Variants in LRRC8B observed in about 807,000 individuals in gnomAD.
LRRC8B encodes leucine rich repeat containing 8 VRAC subunit B.
A neutral mutation model predicts 58.8 loss-of-function variants in LRRC8B; 23 were observed. The ratio of observed to expected loss-of-function variants is 0.39; its 90% confidence interval spans 0.28 to 0.55. The LOEUF (loss-of-function observed/expected upper bound fraction) is 0.55, where lower values mean the gene tolerates loss of function less well. LRRC8B is among the 20% of genes least tolerant of loss of function. The pLI is 0.62. For missense variants in LRRC8B, 694 were observed against 936.0 expected (o/e 0.74, Z 3.37); for synonymous variants, 359 against 374.1 (o/e 0.96, Z 0.47).
intron 3 of LRRC8B, among the ~76,000 whole-genome samples, chr1:89,574,240 C>A (rs1266398887): frequency 2.6e-5 from 4 of 152,176 alleles, no homozygotes; most frequent in African/African-American, 9.7e-5. Flanking sequence ...CCCATAGAAT[C>A]ATGAGAAATT....
intron 5 of LRRC8B, among the ~76,000 whole-genome samples, chr1:89,589,839 G>T (rs1417272595): frequency 6.6e-6 from 1 of 150,996 alleles, no homozygotes; most frequent in African/African-American, 2.4e-5. Context: ...CTGGGAAAAA[G>T]CCAGGGGTAT....
At chr1:89,541,643 G>A (rs1439585142) in intron 1 of LRRC8B, among the ~76,000 whole-genome samples, 1 of 138,044 alleles carries the variant, frequency 7.2e-6, no homozygotes, top group African/African-American at 2.7e-5. Context: ...CCCGGGAGGC[G>A]GAGCTTGCAG....
intron 1 of LRRC8B, among the ~76,000 whole-genome samples, chr1:89,530,463 T>C (rs141839666): frequency 1.2e-4 from 19 of 152,246 alleles, no homozygotes; most frequent in Admixed American, 5.2e-4. Context: ...TTACAGTTTA[T>C]TTGGGCTATA....
intron 1 of LRRC8B, among the ~76,000 whole-genome samples, chr1:89,555,110 T>C (rs1652087234): frequency 1.3e-5 from 2 of 152,192 alleles, no homozygotes. Context: ...AGAATCCTGC[T>C]GAGTTATGAA....
In LRRC8B at chr1:89,583,726, T is replaced by C; in HGVS notation, c.1076T>C (p.Ile359Thr). The change falls in exon 5 of 6, where the codon ATC (isoleucine) becomes ACC (threonine). Residue 359 changes from isoleucine (I) to threonine (T), a missense_variant. Physicochemically the swap from Ile to Thr is moderately conservative, Grantham distance 89 (BLOSUM62 -1). Coordinates refer to ENST00000330947, the MANE Select transcript of LRRC8B (RefSeq NM_001369817.2). The surrounding 1 kb of genome is among the most constrained non-coding windows in gnomAD (Gnocchi z 5.2). ...AGAGAAAAAAGCAACTACAGTGACATCCCTGATGTCAAGAATGACTTTGCC... is the reference window on the plus strand; with the variant it reads ...AGAGAAAAAAGCAACTACAGTGACACCCCTGATGTCAAGAATGACTTTGCC... ...ALREKSNYSD[I>T]PDVKNDFAFI... 6.2e-7 allele frequency: 1 copy of C among 1,614,166 alleles called. No homozygotes were observed. The highest frequency in any genetic ancestry group is 8.5e-7 in the Non-Finnish European group (1 of 1,180,028).
At chr1:89,565,296 A>C (rs1468658856) in intron 1 of LRRC8B, among the ~76,000 whole-genome samples, 2 of 152,168 alleles carry the variant, frequency 1.3e-5, no homozygotes, top group Non-Finnish European at 2.9e-5. Context: ...ATGATTGTGA[A>C]ATCATAATTT....
intron 1 of LRRC8B, among the ~76,000 whole-genome samples, chr1:89,562,473 CT>C (rs559949561): frequency 6.0e-5 from 9 of 149,096 alleles, no homozygotes; most frequent in South Asian, 2.1e-4. Flanking sequence ...GCTATTTATC[CT>C]TTTTTTTTTC....
At chr1:89,525,805 G>C (rs1649649098) in intron 1 of LRRC8B, among the ~76,000 whole-genome samples, 1 of 151,906 alleles carries the variant, frequency 6.6e-6, no homozygotes, top group South Asian at 2.1e-4. Context: ...CCCTCTAAAA[G>C]AACAAAACCG....
rs1194873572 is a variant in LRRC8B, at chr1:89,597,385, T to G, written c.*4342T>G. Reference sequence around the variant, plus strand: ...GCTGAGAAAAACAATTATGAATGCCTTCTGCATGTTGTACATTATCTCTAA... The same window carrying G: ...GCTGAGAAAAACAATTATGAATGCCGTCTGCATGTTGTACATTATCTCTAA... On this transcript the variant is annotated 3_prime_UTR_variant, in exon 6 of 6. Transcript: ENST00000330947. The G allele has an allele frequency of 6.6e-6, 1 of 152,256 alleles. No homozygotes were observed. Among genetic ancestry groups the G allele is most frequent in the African/African-American group, 2.4e-5 (1 of 41,464 alleles). 9.4% of individuals were successfully genotyped at this position (152,256 alleles called of 1,614,324 possible). A position where few individuals can be genotyped will look rare whatever the true frequency, so the allele number is the denominator to read the frequency against.
At chr1:89,578,818 A>G (rs929815121) in intron 3 of LRRC8B, among the ~76,000 whole-genome samples, 8 of 152,128 alleles carry the variant, frequency 5.3e-5, no homozygotes, top group African/African-American at 1.9e-4. Flanking sequence ...GCATTTTACA[A>G]TTTTCTCACA....
At chr1:89,529,231 T>G (rs1457796994) in intron 1 of LRRC8B, among the ~76,000 whole-genome samples, 1 of 152,184 alleles carries the variant, frequency 6.6e-6, no homozygotes, top group Non-Finnish European at 1.5e-5. Context: ...TTCCTTTAAT[T>G]GTCTAGTTTC....
chr1:89,525,701 T>C (rs1381546833), intron 1 of LRRC8B, among the ~76,000 whole-genome samples: 2 of 152,222 alleles, frequency 1.3e-5, no homozygotes, highest in Non-Finnish European at 2.9e-5. Flanking sequence ...CTCATTAATC[T>C]GTGTGCTCAA....
intron 1 of LRRC8B, among the ~76,000 whole-genome samples, chr1:89,566,333 A>G (rs1039386566): frequency 7.2e-5 from 11 of 152,232 alleles, no homozygotes; most frequent in African/African-American, 1.2e-4. Flanking sequence ...CCAGAATGGG[A>G]CAGATGATGC....
At chr1:89,558,529 G>A (rs1424208420) in intron 1 of LRRC8B, among the ~76,000 whole-genome samples, 2 of 152,134 alleles carry the variant, frequency 1.3e-5, no homozygotes, top group Non-Finnish European at 2.9e-5. Context: ...GATGACATGG[G>A]CCCCATCCAA....
chr1:89,592,676 ATGTTT>A, intron 5 of LRRC8B, 90 bp from the exon 6 acceptor site: 1 of 1,022,510 alleles, frequency 9.8e-7, no homozygotes, highest in Non-Finnish European at 1.4e-6. Flanking sequence ...ACCTCCAGAA[ATGTTT>A]TGTTTTTTTT....
intron 1 of LRRC8B, among the ~76,000 whole-genome samples, chr1:89,545,896 A>C (rs951422022): frequency 1.1e-4 from 17 of 152,232 alleles, no homozygotes; most frequent in African/African-American, 4.1e-4. Context: ...GAAAGAATGT[A>C]TGCAGTACTG....
At chr1:89,565,877 G>A (rs899950206) in intron 1 of LRRC8B, among the ~76,000 whole-genome samples, 1 of 152,170 alleles carries the variant, frequency 6.6e-6, no homozygotes, top group African/African-American at 2.4e-5. Context: ...AAGTGGAGTA[G>A]TGAAGCACTG....
Position 89,541,710 on chromosome 1 carries a change from C to CAAAAAAAAAAAAA in LRRC8B, c.-241+16715_-241+16727dup, listed in dbSNP as rs61714771. ...TGGGCGACAGAGGGAGACTCCGTCT[C>CAAAAAAAAAAAAA]AAAAAAAAAAAAAAAAAAAAAAAAA... On this transcript the variant is annotated intron_variant, in intron 1 of 5. Transcript: ENST00000330947. Among the ~76,000 whole-genome samples, 18 of 42,232 alleles carry CAAAAAAAAAAAAA rather than the reference C, an allele frequency of 4.3e-4. 2 individuals carry two copies. The highest frequency in any genetic ancestry group is 1.4e-3 in the African/African-American group (13 of 9,222). The allele number at this position is 42,232 out of a possible 152,430, so 27.7% of individuals were successfully genotyped here. A position where few individuals can be genotyped will look rare whatever the true frequency, so the allele number is the denominator to read the frequency against.
intron 1 of LRRC8B, among the ~76,000 whole-genome samples, chr1:89,533,106 T>A (rs1650261424): frequency 6.6e-6 from 1 of 152,222 alleles, no homozygotes; most frequent in African/African-American, 2.4e-5. Context: ...TGATAATGAT[T>A]TTGTAGTCTT....
Sources: gnomAD v4.1 joint callset for allele counts (sites outside exome capture counted in the v4.1 genomes callset) on GRCh38, gnomAD v4.1.1 for gene constraint, Gnocchi (gnomAD v3.1) non-coding constraint, MANE v1.5 for transcripts, NCBI Gene and HGNC (gene_info 2026-07-23, HGNC 2026-07-21) for gene names.